Variants in GLCCI1 observed in about 807,000 individuals in gnomAD.
GLCCI1 encodes the protein glucocorticoid-induced transcript 1 protein.
A neutral mutation model predicts 52.2 loss-of-function variants in GLCCI1; 24 were observed. The ratio of observed to expected loss-of-function variants is 0.46; its 90% CI spans 0.33 to 0.65. The LOEUF (loss-of-function observed/expected upper bound fraction) is 0.65, where lower values mean the gene tolerates loss of function less well. Among genes scored for constraint, GLCCI1 ranks in the 30% least tolerant of loss-of-function variants. The probability of loss-of-function intolerance (pLI) is 0.02; values close to 1 mark genes in which losing one functional copy is unlikely to be tolerated. For missense variants in GLCCI1, 704 were observed against 701.5 expected, an observed-to-expected ratio of 1.00 and a Z score of -0.04; for synonymous variants, 310 against 276.5, an observed-to-expected ratio of 1.12 and a Z score of -1.20.
At position 8,025,488 on chromosome 7, in the gene GLCCI1, C is replaced by T. The variant is rs571857300; in HGVS notation, c.696+2919C>T. On this transcript the variant is annotated intron_variant, in intron 3 of 7. Transcript: ENST00000223145. ...AACAGATTTGCGATGGCAGAAGAAT[C>T]AATGAATTAGAAGATAAGTCAATAG... Among the ~76,000 whole-genome samples, 5 of 151,618 alleles carry T rather than the reference C, an allele frequency of 3.3e-5. No homozygotes were observed. The East Asian group carries it at 9.7e-4, about 29-fold the overall frequency.
chr7:8,077,272 A>C (rs1474390548), intron 6 of GLCCI1, among the ~76,000 whole-genome samples: 2 of 152,190 alleles, frequency 1.3e-5, no homozygotes, highest in African/African-American at 4.8e-5. Context: ...AAGAAGTATC[A>C]ACTCATAGGG....
chr7:8,055,041 C>T (rs1782354192), intron 3 of GLCCI1, among the ~76,000 whole-genome samples: 1 of 152,052 alleles, frequency 6.6e-6, no homozygotes. Flanking sequence ...AGGACAGGAA[C>T]TTAGAAACTA....
intron 3 of GLCCI1, among the ~76,000 whole-genome samples, chr7:8,026,520 C>T (rs1781624288): frequency 6.6e-6 from 1 of 152,234 alleles, no homozygotes; most frequent in Non-Finnish European, 1.5e-5. Context: ...CCAAAAGAGG[C>T]ATTGAGTAGG....
At chr7:8,062,133 ACCTCTG>A (rs1301027489) in intron 5 of GLCCI1, among the ~76,000 whole-genome samples, 1 of 152,206 alleles carries the variant, frequency 6.6e-6, no homozygotes, top group African/African-American at 2.4e-5. Flanking sequence ...TTGGTAAGGT[ACCTCTG>A]CTTTTAATAA....
intron 1 of GLCCI1, among the ~76,000 whole-genome samples, chr7:7,992,239 T>C (rs1780856298): frequency 6.6e-6 from 1 of 151,930 alleles, no homozygotes; most frequent in Non-Finnish European, 1.5e-5. Context: ...GGAAACAATG[T>C]AATTTTACTA....
chr7:7,977,477 T>G (rs37977), intron 1 of GLCCI1, among the ~76,000 whole-genome samples: 64,265 of 152,032 alleles, frequency 0.42, 13,892 homozygotes, highest in Middle Eastern at 0.52. Flanking sequence ...GCCAAAGCAA[T>G]TATTTTCCAA....
At chr7:8,043,160 C>G (rs900574923) in intron 3 of GLCCI1, among the ~76,000 whole-genome samples, 1 of 152,162 alleles carries the variant, frequency 6.6e-6, no homozygotes, top group African/African-American at 2.4e-5. Context: ...TTAGACACTA[C>G]TATTGCACAC....
chr7:8,079,938 T>A (rs562556657), intron 6 of GLCCI1, among the ~76,000 whole-genome samples: 1 of 151,716 alleles, frequency 6.6e-6, no homozygotes, highest in South Asian at 2.1e-4. Context: ...ATAGCTGATG[T>A]CTTGGTTCAT....
intron 2 of GLCCI1, among the ~76,000 whole-genome samples, chr7:8,009,882 G>A (rs1362128256): frequency 6.7e-6 from 1 of 149,744 alleles, no homozygotes; most frequent in Non-Finnish European, 1.5e-5. Flanking sequence ...CAGTGTGGAC[G>A]TAAAATCAGT....
intron 1 of GLCCI1, 27 bp from the exon 2 acceptor site, chr7:8,003,881 A>G (rs1781095297): frequency 1.3e-6 from 2 of 1,596,380 alleles, no homozygotes; most frequent in African/African-American, 2.7e-5. Context: ...TTCACTAATG[A>G]CTAATCTTTT....
chr7:8,043,859 G>A (rs987697948), intron 3 of GLCCI1, among the ~76,000 whole-genome samples: 24 of 152,016 alleles, frequency 1.6e-4, no homozygotes, highest in African/African-American at 5.8e-4. Flanking sequence ...GACCGAACAT[G>A]AAAATAGGAA....
In GLCCI1 at chr7:7,969,464, G is replaced by C. The variant is rs1256119373; in HGVS notation, c.114G>C (p.Gly38=). 11 of 1,127,724 alleles carry C rather than the reference G, an allele frequency of 9.8e-6. No homozygotes were observed. Among genetic ancestry groups the C allele is most frequent in the African/African-American group, 1.7e-5 (1 of 59,340 alleles). 69.9% of individuals were successfully genotyped at this position (1,127,724 alleles called of 1,614,324 possible). Residue 38 remains glycine, a synonymous_variant, in exon 1 of 8, where the codon GGG becomes GGC. Coordinates refer to ENST00000223145, the MANE Select transcript of GLCCI1 (RefSeq NM_138426.4). This position sits in a 1 kb window ranked among gnomAD's most constrained non-coding sequence, Gnocchi z 4.9. ...CCCCGCCCGCCGTCGCCGCCGCCGG[G>C]AGCGGGAACGGTGCGGGCGGCGGCG... ...AGSPPAVAAA[G]SGNGAGGGGG...
intron 1 of GLCCI1, among the ~76,000 whole-genome samples, chr7:7,993,073 G>A (rs1455710692): frequency 1.3e-5 from 2 of 151,828 alleles, no homozygotes; most frequent in African/African-American, 4.8e-5. Context: ...ATGTCTTTCT[G>A]GCATGCTTTC....
chr7:8,071,206 C>CTTT, intron 6 of GLCCI1, 75 bp downstream of exon 6: 4 of 884,388 alleles, frequency 4.5e-6, no homozygotes, highest in South Asian at 2.0e-5. Flanking sequence ...ACCATTACAT[C>CTTT]TTTTTTTTTT....
intron 3 of GLCCI1, among the ~76,000 whole-genome samples, chr7:8,026,170 A>C (rs1311066413): frequency 2.0e-5 from 3 of 152,194 alleles, no homozygotes; most frequent in African/African-American, 4.8e-5. Flanking sequence ...TATTTGACTG[A>C]TATTAAGTAT....
intron 1 of GLCCI1, among the ~76,000 whole-genome samples, chr7:7,995,708 A>G (rs1275476134): frequency 1.3e-5 from 2 of 152,168 alleles, no homozygotes; most frequent in African/African-American, 4.8e-5. Flanking sequence ...CAGTGAGAAC[A>G]CCTGGACACA....
chr7:7,970,219 G>A (rs1003920917), intron 1 of GLCCI1, among the ~76,000 whole-genome samples: 8 of 152,204 alleles, frequency 5.3e-5, no homozygotes, highest in African/African-American at 1.7e-4. Flanking sequence ...TTCCTAACGT[G>A]CCTGTAACTA....
intron 4 of GLCCI1, among the ~76,000 whole-genome samples, chr7:8,056,822 T>A (rs1472203240): frequency 6.6e-6 from 1 of 152,142 alleles, no homozygotes; most frequent in East Asian, 1.9e-4. Context: ...GCAAATACAG[T>A]AAGATCCTAA....
At position 7,969,847 on chromosome 7, in the gene GLCCI1, C is replaced by T. The variant is rs763164206; in HGVS notation, c.457+40C>T. On this transcript the variant is annotated intron_variant, in intron 1 of 7. Coordinates refer to ENST00000223145, the MANE Select transcript of GLCCI1 (RefSeq NM_138426.4). The surrounding 1 kb of genome is among the most constrained non-coding windows in gnomAD (Gnocchi z 4.9). Reference sequence around the variant, plus strand: ...CCTCCCGTCCTCCCGGGCTGCGTCTCCCCGACGGTGCCCTCCGTGGAAACT... The same window carrying T: ...CCTCCCGTCCTCCCGGGCTGCGTCTTCCCGACGGTGCCCTCCGTGGAAACT... The T allele has an allele frequency of 3.1e-5, 43 of 1,366,952 alleles. No individual in the cohort carries two copies. Among genetic ancestry groups the T allele is most frequent in the Non-Finnish European group, 4.0e-5 (42 of 1,052,884 alleles). The allele number at this position is 1,366,952 out of a possible 1,614,324, so 84.7% of individuals were successfully genotyped here.
Sources: allele counts gnomAD v4.1 joint callset (sites outside exome capture counted in the v4.1 genomes callset), GRCh38; gene constraint gnomAD v4.1.1; non-coding constraint Gnocchi (gnomAD v3.1); transcripts MANE v1.5; gene names NCBI Gene and HGNC (gene_info 2026-07-23, HGNC 2026-07-21).